PECR: variants seen among roughly 807,000 people sequenced by gnomAD.
PECR encodes the protein 2,4-dienoyl-CoA reductase-related protein.
A neutral mutation model predicts 35.3 loss-of-function variants in PECR; 30 were observed. That is an observed-to-expected ratio of 0.85 (90% CI 0.64 to 1.15). The LOEUF is 1.15. Ranked by LOEUF, PECR falls within the 50% of genes most tolerant of loss-of-function variation. PECR has a pLI of 0.00. For missense variants in PECR, 392 were observed against 370.8 expected (o/e 1.06, Z -0.47); for synonymous variants, 148 against 138.9 (o/e 1.07, Z -0.46).
chr2:216,050,414 T>C (rs527911469), intron 5 of PECR, among the ~76,000 whole-genome samples: 21 of 152,366 alleles, frequency 1.4e-4, no homozygotes, highest in African/African-American at 4.8e-4. Context: ...TGTTGCCTTT[T>C]ATTTAAAGAG....
At chr2:216,044,112 T>C (rs749554065) in intron 6 of PECR, 97 bp from the exon 7 acceptor site, 1 of 711,854 alleles carries the variant, frequency 1.4e-6, no homozygotes, top group African/African-American at 1.7e-5. Context: ...AAGCCCATGA[T>C]TGTAACATGA....
chr2:216,079,480 G>C (rs897747237), intron 1 of PECR, among the ~76,000 whole-genome samples: 1 of 150,886 alleles, frequency 6.6e-6, no homozygotes, highest in Admixed American at 6.6e-5. Flanking sequence ...CCATTCTCCT[G>C]CCTCAGCCTC....
intron 7 of PECR, among the ~76,000 whole-genome samples, chr2:216,043,027 ATATATG>A (rs1405961123): frequency 3.8e-5 from 5 of 132,242 alleles, no homozygotes; most frequent in Admixed American, 7.6e-5. Flanking sequence ...ACACATACGT[ATATATG>A]TATGTGTATA....
At chr2:216,062,420 A>G (rs1308955579) in intron 3 of PECR, among the ~76,000 whole-genome samples, 1 of 152,172 alleles carries the variant, frequency 6.6e-6, no homozygotes, top group Non-Finnish European at 1.5e-5. Context: ...CAGATCCAAC[A>G]TTTTTCCAAA....
At chr2:216,053,391 C>T (rs958747290) in intron 4 of PECR, among the ~76,000 whole-genome samples, 1 of 151,930 alleles carries the variant, frequency 6.6e-6, no homozygotes, top group African/African-American at 2.4e-5. Context: ...CTACAGGCAC[C>T]CGCCACCGTG....
intron 7 of PECR, among the ~76,000 whole-genome samples, chr2:216,040,978 T>C (rs143656152): frequency 0.02 from 3,016 of 152,310 alleles, 57 homozygotes; most frequent in Non-Finnish European, 0.029. Flanking sequence ...TAGAGGCTTA[T>C]AGAAATTAAC....
intron 6 of PECR, among the ~76,000 whole-genome samples, chr2:216,048,887 A>G (rs1470837327): frequency 1.3e-5 from 2 of 151,312 alleles, no homozygotes; most frequent in Non-Finnish European, 2.9e-5. Flanking sequence ...CAGTTTGGAA[A>G]GCTGCTGATT....
At chr2:216,078,020 T>TA (rs201383225) in intron 1 of PECR, among the ~76,000 whole-genome samples, 17,688 of 137,896 alleles carry the variant, frequency 0.13, 1,949 homozygotes, top group East Asian at 0.47. Context: ...TATTTTTCGT[T>TA]AAAAAAAAAA....
chr2:216,078,762 C>T (rs1390623249), intron 1 of PECR, among the ~76,000 whole-genome samples: 1 of 152,102 alleles, frequency 6.6e-6, no homozygotes, highest in East Asian at 1.9e-4. Flanking sequence ...CAAAAGATTA[C>T]AAGACCAATG....
intron 7 of PECR, among the ~76,000 whole-genome samples, chr2:216,040,223 T>C (rs1006416103): frequency 6.6e-6 from 1 of 152,138 alleles, no homozygotes; most frequent in East Asian, 1.9e-4. Flanking sequence ...CCATTTTGAG[T>C]TGTGACTAAA....
At chr2:216,029,355 G>A (rs1694645250) in intron 7 of PECR, among the ~76,000 whole-genome samples, 1 of 152,182 alleles carries the variant, frequency 6.6e-6, no homozygotes, top group Non-Finnish European at 1.5e-5. Context: ...GCGCGCTTCT[G>A]TAGTCCCAGC....
At chr2:216,063,467 A>G (rs563325306) in intron 3 of PECR, among the ~76,000 whole-genome samples, 208 of 152,034 alleles carry the variant, frequency 1.4e-3, no homozygotes, top group Non-Finnish European at 2.7e-3. Context: ...AAAATATAAA[A>G]ATTAGCCAGA....
At chr2:216,046,004 CT>C (rs1426380941) in intron 6 of PECR, among the ~76,000 whole-genome samples, 1 of 151,782 alleles carries the variant, frequency 6.6e-6, no homozygotes, top group Non-Finnish European at 1.5e-5. Flanking sequence ...TAGTGAAACA[CT>C]GTCTCTACTA....
chr2:216,054,826 A>G (rs898365077), intron 4 of PECR, among the ~76,000 whole-genome samples: 3 of 151,294 alleles, frequency 2.0e-5, no homozygotes, highest in Non-Finnish European at 2.9e-5. Context: ...AAGATACTTA[A>G]TGTAGGCCAG....
At chr2:216,071,520 T>C (rs1459890384) in intron 1 of PECR, among the ~76,000 whole-genome samples, 1 of 152,216 alleles carries the variant, frequency 6.6e-6, no homozygotes, top group Non-Finnish European at 1.5e-5. Flanking sequence ...TTGTGATAGA[T>C]AAATCTCTCT....
chr2:216,063,781 G>C (rs1043487246), intron 3 of PECR: 2 of 151,770 alleles, frequency 1.3e-5, no homozygotes, highest in Non-Finnish European at 2.9e-5. Flanking sequence ...ACAGTGGCAC[G>C]ATCTCGGCTC....
At chr2:216,031,465 AAGAAAGAAAG>A (rs1215823584) in intron 7 of PECR, among the ~76,000 whole-genome samples, 18 of 131,008 alleles carry the variant, frequency 1.4e-4, no homozygotes, top group Admixed American at 1.0e-3. Context: ...GAGAGAAAGA[AAGAAAGAAAG>A]AGAAAGAAAG....
intron 7 of PECR, among the ~76,000 whole-genome samples, chr2:216,040,897 T>C (rs541138716): frequency 5.9e-5 from 9 of 152,174 alleles, no homozygotes; most frequent in African/African-American, 2.2e-4. Context: ...AAAAAGTCCC[T>C]TATCTAATTT....
intron 7 of PECR, among the ~76,000 whole-genome samples, chr2:216,043,392 G>A (rs1200829825): frequency 6.6e-6 from 1 of 152,090 alleles, no homozygotes; most frequent in African/African-American, 2.4e-5. Flanking sequence ...TTACAGGCAT[G>A]AGCCACCATA....
Sources: allele counts gnomAD v4.1 joint callset (sites outside exome capture counted in the v4.1 genomes callset), GRCh38; gene constraint gnomAD v4.1.1; transcripts MANE v1.5; gene names NCBI Gene and HGNC (gene_info 2026-07-23, HGNC 2026-07-21).